KCTD5: variants seen among roughly 807,000 people sequenced by gnomAD.
The protein encoded by KCTD5 is potassium channel tetramerization domain containing 5.
Under a neutral mutation model 27.9 loss-of-function variants are expected in KCTD5, and 12 were observed. That is an observed-to-expected ratio of 0.43 (90% CI 0.28 to 0.70). The LOEUF (loss-of-function observed/expected upper bound fraction) is 0.70. Among genes scored for constraint, KCTD5 ranks in the 30% least tolerant of loss-of-function variants. KCTD5 has a pLI of 0.19. For missense variants in KCTD5, 226 were observed against 274.8 expected, an observed-to-expected ratio of 0.82 and a Z score of 1.26; for synonymous variants, 147 against 121.4, an observed-to-expected ratio of 1.21 and a Z score of -1.39.
intron 1 of KCTD5, among the ~76,000 whole-genome samples, chr16:2,693,030 G>T (rs1355951882): frequency 2.0e-5 from 3 of 152,228 alleles, no homozygotes; most frequent in African/African-American, 2.4e-5. Context: ...GCCCCAGGCA[G>T]CCCCACGCAG....
intron 1 of KCTD5, among the ~76,000 whole-genome samples, chr16:2,688,756 C>T (rs1227528800): frequency 2.5e-5 from 2 of 81,582 alleles, no homozygotes; most frequent in African/African-American, 5.3e-5. Flanking sequence ...CACAGGCCCC[C>T]GCTGAGTGGG....
chr16:2,697,980 G>T lies in KCTD5; in HGVS notation c.436G>T (p.Asp146Tyr). 2 of 1,611,178 alleles carry T rather than the reference G, an allele frequency of 1.2e-6. No individual in the cohort carries two copies. Among genetic ancestry groups the T allele is most frequent in the South Asian group, 2.2e-5 (2 of 91,002 alleles). ...KLVKDKIRER[D>Y]SKTSQVPVKH... ...TGTAAAGGACAAAATTAGAGAACGA[G>T]ACAGCAAAACATCGCAGGTGAGACA... Residue 146 changes from aspartate (D) to tyrosine (Y), a missense_variant, in exon 3 of 6, where the codon GAC (aspartate) becomes TAC (tyrosine). Asp to Tyr is a radical substitution (Grantham distance 160). Around this residue, in one of 2 missense-constraint regions of KCTD5, gnomAD observed 135 missense variants for 207.0 expected, o/e 0.65. Coordinates refer to ENST00000301738, the MANE Select transcript of KCTD5 (RefSeq NM_018992.4).
chr16:2,696,659 C>T (rs1418739810), intron 2 of KCTD5, among the ~76,000 whole-genome samples: 5 of 152,306 alleles, frequency 3.3e-5, no homozygotes, highest in East Asian at 1.9e-4. Context: ...TGCGTGCGGG[C>T]GTGGCCCTGC....
intron 1 of KCTD5, among the ~76,000 whole-genome samples, chr16:2,687,275 T>C (rs1000957313): frequency 6.6e-6 from 1 of 152,214 alleles, no homozygotes; most frequent in Non-Finnish European, 1.5e-5. Flanking sequence ...CTAGGAAGAA[T>C]GAAAGAAAAC....
intron 1 of KCTD5, among the ~76,000 whole-genome samples, chr16:2,691,802 T>C (rs1365345174): frequency 6.6e-6 from 1 of 152,158 alleles, no homozygotes; most frequent in African/African-American, 2.4e-5. Flanking sequence ...CAGAGGCTGC[T>C]CCTTTCAAGT....
rs559523456 is a variant in KCTD5 at position 2,682,912 on chromosome 16, G to C, written c.252+112G>C. The C allele has an allele frequency of 1.8e-4, 238 of 1,313,638 alleles. 3 individuals are homozygous for C. The South Asian group carries it at 3.5e-3, about 19-fold the overall frequency. 81.4% of individuals were successfully genotyped at this position (1,313,638 alleles called of 1,614,324 possible). A position where few individuals can be genotyped will look rare whatever the true frequency, so the allele number is the denominator to read the frequency against. Reference sequence around the variant, plus strand: ...TCAGCGGGAGCGGGCGACTCTCCTCGGGCTTCGAGCCCCGCGCTCCCTTGT... The same window carrying C: ...TCAGCGGGAGCGGGCGACTCTCCTCCGGCTTCGAGCCCCGCGCTCCCTTGT... On this transcript the variant is annotated intron_variant, in intron 1 of 5. Coordinates refer to ENST00000301738, the MANE Select transcript of KCTD5 (RefSeq NM_018992.4).
intron 1 of KCTD5, chr16:2,683,307 G>A (rs1294609563): frequency 6.5e-6 from 1 of 153,022 alleles, no homozygotes; most frequent in African/African-American, 2.4e-5. Flanking sequence ...CATTTAGAGA[G>A]TTGGCGCTCC....
At chr16:2,689,197 G>A (rs1217027422) in intron 1 of KCTD5, among the ~76,000 whole-genome samples, 1 of 120 alleles carries the variant, frequency 8.3e-3, no homozygotes, top group African/African-American at 0.016. Context: ...AGCCTCCTTG[G>A]TCTCTGGCCT....
chr16:2,707,267 G>A (rs1294445096), intron 5 of KCTD5, 31 bp from the exon 6 acceptor site: 1 of 1,611,300 alleles, frequency 6.2e-7, no homozygotes, highest in Non-Finnish European at 8.5e-7. Context: ...CTCAGCCCAA[G>A]TCCTCATTTT....
At chr16:2,702,177 C>T (rs997953303) in intron 4 of KCTD5, among the ~76,000 whole-genome samples, 176 bp from the exon 5 acceptor site, 4 of 152,194 alleles carry the variant, frequency 2.6e-5, no homozygotes, top group Non-Finnish European at 5.9e-5. Flanking sequence ...CGTGGGGTGC[C>T]GCCCCGTGTG....
intron 5 of KCTD5, among the ~76,000 whole-genome samples, chr16:2,705,483 A>T (rs2067631585): frequency 6.6e-6 from 1 of 151,816 alleles, no homozygotes; most frequent in Admixed American, 6.6e-5. Flanking sequence ...AGGGAGTGCC[A>T]CTCGTGCCGC....
At chr16:2,703,079 C>G (rs1249271241) in intron 5 of KCTD5, among the ~76,000 whole-genome samples, 3 of 152,192 alleles carry the variant, frequency 2.0e-5, no homozygotes, top group Non-Finnish European at 4.4e-5. Context: ...GGCTCAGGCC[C>G]TTCTGTTTTC....
Position 2,707,730 on chromosome 16 carries a change from T to G in KCTD5, c.*403T>G, listed in dbSNP as rs975677250. The G allele has an allele frequency of 6.4e-6, 3 of 468,102 alleles. No homozygotes were observed. The highest frequency in any genetic ancestry group is 7.6e-6 in the Non-Finnish European group (2 of 261,536). 29.0% of individuals were successfully genotyped at this position (468,102 alleles called of 1,614,324 possible). On this transcript the variant is annotated 3_prime_UTR_variant, in exon 6 of 6. Coordinates refer to ENST00000301738, the MANE Select transcript of KCTD5 (RefSeq NM_018992.4). ...CAGGAAGCGGCCGCAGCCGCGTCAG[T>G]GTCCAGCACGTCGTGGCCTCTGGTC... is the stretch of plus-strand genomic sequence containing the variant.
chr16:2,697,022 C>A (rs1209723326), intron 2 of KCTD5, among the ~76,000 whole-genome samples: 2 of 152,256 alleles, frequency 1.3e-5, no homozygotes, highest in African/African-American at 4.8e-5. Context: ...GCCGCCCAGG[C>A]TCACCGGTCT....
At position 2,708,458 on chromosome 16, in the gene KCTD5, G is replaced by A. The variant is rs1200545105; in HGVS notation, c.*1131G>A. The A allele has an allele frequency of 1.3e-5, 2 of 152,458 alleles. No homozygotes were observed. Among genetic ancestry groups the A allele is most frequent in the African/African-American group, 4.8e-5 (2 of 41,460 alleles). 9.4% of individuals were successfully genotyped at this position (152,458 alleles called of 1,614,324 possible). A position where few individuals can be genotyped will look rare whatever the true frequency, so the allele number is the denominator to read the frequency against. Reference sequence around the variant, plus strand: ...GGCTGTGGGGACCTGTCAGAGTCTGGGGACTCGGCGTGCAGGGCGGGCTCC... The same window carrying A: ...GGCTGTGGGGACCTGTCAGAGTCTGAGGACTCGGCGTGCAGGGCGGGCTCC... On this transcript the variant is annotated 3_prime_UTR_variant, in exon 6 of 6. Transcript: ENST00000301738.
rs1404857495 is a variant in KCTD5 at position 2,708,333 on chromosome 16, C to G, written c.*1006C>G. On this transcript the variant is annotated 3_prime_UTR_variant, in exon 6 of 6. Transcript: ENST00000301738. ...TCTCTTTCTGGGATGTTTGGGACTT[C>G]ACTCGACCTGCACGGGCTCTGCCCG... 1 of 152,682 alleles carries G rather than the reference C, an allele frequency of 6.5e-6. No individual in the cohort carries two copies. Among genetic ancestry groups the G allele is most frequent in the Non-Finnish European group, 1.5e-5 (1 of 68,066 alleles). The allele number at this position is 152,682 out of a possible 1,614,324, so 9.5% of individuals were successfully genotyped here. A position where few individuals can be genotyped will look rare whatever the true frequency, so the allele number is the denominator to read the frequency against.
At chr16:2,683,123 CTTTT>C (rs1232693690) in intron 1 of KCTD5, 1 of 279,098 alleles carries the variant, frequency 3.6e-6, no homozygotes, top group African/African-American at 2.2e-5. Flanking sequence ...ATTCTACTTT[CTTTT>C]TCTCACTAGG....
intron 1 of KCTD5, among the ~76,000 whole-genome samples, chr16:2,688,243 A>G (rs28593320): frequency 1.6e-5 from 1 of 64,266 alleles, no homozygotes; most frequent in African/African-American, 5.0e-5. Context: ...ATATATATAT[A>G]TATTTATTTA....
intron 4 of KCTD5, among the ~76,000 whole-genome samples, chr16:2,700,713 G>A (rs1447198953): frequency 6.6e-6 from 1 of 152,210 alleles, no homozygotes; most frequent in Non-Finnish European, 1.5e-5. Flanking sequence ...GGTTGTGGGA[G>A]TGACAGGCTC....
Sources: gnomAD v4.1 joint callset for allele counts (sites outside exome capture counted in the v4.1 genomes callset) on GRCh38, gnomAD v4.1.1 for gene constraint, gnomAD v4.1.1 regional missense constraint, MANE v1.5 for transcripts, NCBI Gene and HGNC (gene_info 2026-07-23, HGNC 2026-07-21) for gene names.